MEIOC: variants seen among roughly 807,000 people sequenced by gnomAD.
The protein encoded by MEIOC is meiosis specific with coiled-coil domain.
MEIOC carries 9 observed loss-of-function variants against 85.3 expected under a neutral mutation model. That is an observed-to-expected ratio of 0.11 (90% confidence interval 0.06 to 0.18). MEIOC has a LOEUF of 0.18. MEIOC is among the 10% of genes least tolerant of loss of function. MEIOC has a pLI of 1.00. For synonymous variants in MEIOC, 365 were observed against 393.7 expected (o/e 0.93, Z 0.86); for missense variants, 898 against 1,129.4 (o/e 0.80, Z 2.94).
At chr17:44,670,164 G>A (rs1971981631) in intron 6 of MEIOC, 2 of 150,076 alleles carry the variant, frequency 1.3e-5, no homozygotes, top group Non-Finnish European at 2.9e-5. Flanking sequence ...TCAGGAGGCT[G>A]AGGTGGGAAG....
Position 44,667,149 on chromosome 17 carries a change from C to T in MEIOC, c.1238C>T (p.Thr413Ile), listed in dbSNP as rs1971918880. ...EKQFAKEAVF[T>I]ADFGLTSEYG... Reference sequence around the variant, plus strand: ...CAGTTTGCAAAGGAAGCAGTATTCACTGCTGATTTTGGCTTAACATCAGAA... The same window carrying T: ...CAGTTTGCAAAGGAAGCAGTATTCATTGCTGATTTTGGCTTAACATCAGAA... The change falls in exon 5 of 8, where the codon ACT becomes ATT. Residue 413 changes from threonine to isoleucine, a missense_variant. Around this residue, in one of 2 missense-constraint regions of MEIOC, gnomAD observed 734 missense variants for 860.1 expected, o/e 0.85. Coordinates refer to ENST00000409122, the MANE Select transcript of MEIOC (RefSeq NM_001145080.3). 2.5e-6 allele frequency: 4 copies of T among 1,613,922 alleles called. No homozygotes were observed. Among genetic ancestry groups the T allele is most frequent in the Admixed American group, 3.3e-5 (2 of 60,026 alleles).
At chr17:44,672,205 C>T (rs1568136165) in intron 6 of MEIOC, among the ~76,000 whole-genome samples, 1 of 152,124 alleles carries the variant, frequency 6.6e-6, no homozygotes, top group African/African-American at 2.4e-5. Context: ...TGGTCTCGAA[C>T]TCCTGATCTC....
At position 44,666,848 on chromosome 17, in the gene MEIOC, C is replaced by G; in HGVS notation, c.937C>G (p.Leu313Val). The change falls in exon 5 of 8, where the codon CTT (leucine) becomes GTT (valine). Residue 313 changes from leucine to valine, a missense_variant. Leu to Val is a conservative substitution (Grantham distance 32). Coordinates refer to ENST00000409122, the MANE Select transcript of MEIOC (RefSeq NM_001145080.3). ...PLQQKRAEMF[L>V]SQFNRYNENV... ...ACAGCAAAAAAGGGCAGAGATGTTT[C>G]TTTCTCAATTTAATAGATACAATGA... 2 of 1,611,600 alleles carry G rather than the reference C, an allele frequency of 1.2e-6. No individual in the cohort carries two copies. The highest frequency in any genetic ancestry group is 1.7e-6 in the Non-Finnish European group (2 of 1,178,692).
At chr17:44,664,656 C>T (rs141420207) in intron 3 of MEIOC, among the ~76,000 whole-genome samples, 90 of 152,286 alleles carry the variant, frequency 5.9e-4, no homozygotes, top group African/African-American at 2.0e-3. Context: ...ATAAGGAATA[C>T]TCAACCTGTA....
chr17:44,675,296 CTG>C lies in MEIOC; in HGVS notation c.*1102_*1103del. ...AAAACTATTGAAAGCTTAACTTTTT[CTG>C]TTTCTCATCACTTAGTATCTTTGTA... On this transcript the variant is annotated 3_prime_UTR_variant, in exon 8 of 8. Coordinates refer to ENST00000409122, the MANE Select transcript of MEIOC (RefSeq NM_001145080.3). The C allele has an allele frequency of 5.1e-6, 5 of 978,806 alleles. No homozygotes were observed. Among genetic ancestry groups the C allele is most frequent in the Non-Finnish European group, 6.1e-6 (5 of 824,032 alleles). 60.6% of individuals were successfully genotyped at this position (978,806 alleles called of 1,614,324 possible).
Position 44,667,871 on chromosome 17 carries a change from A to C in MEIOC, c.1960A>C (p.Asn654His), listed in dbSNP as rs765256069. The C allele has an allele frequency of 1.9e-6, 3 of 1,613,976 alleles. No individual in the cohort carries two copies. The highest frequency in any genetic ancestry group is 2.5e-6 in the Non-Finnish European group (3 of 1,179,868). ...SNSHRTRGGDNSRVNRTQVSC... is the reference protein window; with the variant it reads ...SNSHRTRGGDHSRVNRTQVSC... ...TAGCCACAGAACGAGAGGTGGAGACAATAGCCGTGTGAATCGCACACAAGT... is the reference window on the plus strand; with the variant it reads ...TAGCCACAGAACGAGAGGTGGAGACCATAGCCGTGTGAATCGCACACAAGT... Residue 654 changes from asparagine (N) to histidine (H), a missense_variant, in exon 5 of 8, where the codon AAT (asparagine) becomes CAT (histidine). Around this residue, in one of 2 missense-constraint regions of MEIOC, gnomAD observed 734 missense variants for 860.1 expected, o/e 0.85. Transcript: ENST00000409122.
intron 3 of MEIOC, among the ~76,000 whole-genome samples, chr17:44,662,822 T>G (rs914196729): frequency 2.0e-5 from 3 of 152,116 alleles, no homozygotes; most frequent in East Asian, 3.9e-4. Flanking sequence ...CAGCTAACTT[T>G]AAAAAAATTT....
At position 44,656,667 on chromosome 17, in the gene MEIOC, G is replaced by A. The variant is rs1364523261; in HGVS notation, c.54G>A (p.Arg18=). 4.7e-6 allele frequency: 7 copies of A among 1,492,848 alleles called. No individual in the cohort carries two copies. The highest frequency in any genetic ancestry group is 5.4e-6 in the Non-Finnish European group (6 of 1,121,406). 92.5% of individuals were successfully genotyped at this position (1,492,848 alleles called of 1,614,324 possible). Residue 18 remains arginine, a synonymous_variant, in exon 1 of 8, where the codon AGG becomes AGA. Transcript: ENST00000409122. Reference sequence around the variant, plus strand: ...CGCGCCCTCACCCCTCAGGCCTGAGGGAGGAAGGACTTGAGGTAATGGATG... The same window carrying A: ...CGCGCCCTCACCCCTCAGGCCTGAGAGAGGAAGGACTTGAGGTAATGGATG... ...TCPRPHPSGL[R]EEGLEPKVAF...
Position 44,662,438 on chromosome 17 carries a change from A to G in MEIOC, c.326A>G (p.Gln109Arg), listed in dbSNP as rs755117202. 1.9e-5 allele frequency: 29 copies of G among 1,546,656 alleles called. No individual in the cohort carries two copies. The South Asian group carries it at 2.6e-4, about 14-fold the overall frequency. The part of the protein sequence containing the change: ...PWSTYGDDIK[Q>R]PSNSQISIKN... ...TCTACTTATGGAGATGACATTAAAC[A>G]ACCTTCTAATTCTCAGATCAGTATA... Residue 109 changes from glutamine (Q) to arginine (R), a missense_variant, in exon 3 of 8, where the codon CAA becomes CGA. This residue lies in a region of MEIOC where 734 missense variants were observed against 860.1 expected (regional missense o/e 0.85). Transcript: ENST00000409122.
Position 44,656,612 on chromosome 17 carries a change from C to A in MEIOC, c.-2C>A. On this transcript the variant is annotated 5_prime_UTR_variant, in exon 1 of 8. Transcript: ENST00000409122. Reference sequence around the variant, plus strand: ...AGTCCAGGAGAGGCTGGGGGGCGCCCCATGGAGGTGAGACGCGGAGACACC... The same window carrying A: ...AGTCCAGGAGAGGCTGGGGGGCGCCACATGGAGGTGAGACGCGGAGACACC... 6.8e-7 allele frequency: 1 copy of A among 1,476,074 alleles called. No individual in the cohort carries two copies. The allele number at this position is 1,476,074 out of a possible 1,614,324, so 91.4% of individuals were successfully genotyped here.
In MEIOC at chr17:44,666,788, G is replaced by T. The variant is rs1568133920; in HGVS notation, c.877G>T (p.Asp293Tyr). The T allele has an allele frequency of 6.2e-7, 1 of 1,613,446 alleles. No individual in the cohort carries two copies. Residue 293 changes from aspartate to tyrosine, a missense_variant, in exon 5 of 8, where the codon GAC becomes TAC. Asp to Tyr is a radical substitution (Grantham distance 160). Transcript: ENST00000409122. ...SGVDIYHYGR[D>Y]RICTKGLEAP... ...AGTTGATATCTACCATTATGGAAGA[G>T]ACAGAATATGTACTAAAGGTCTTGA...
In MEIOC at chr17:44,663,302, T is replaced by TGATGATGAC. The variant is rs1431941721; in HGVS notation, c.359+836_359+837insTGACGATGA. On this transcript the variant is annotated intron_variant, in intron 3 of 7. Transcript: ENST00000409122. ...ATGATGATGATGATGATGATGATGA[T>TGATGATGAC]GATGACGATAACTAGGATATTATGG... Among the ~76,000 whole-genome samples, 4 of 151,850 alleles carry TGATGATGAC rather than the reference T, an allele frequency of 2.6e-5. No individual in the cohort carries two copies. In the East Asian group the frequency reaches 5.8e-4, roughly 22 times the overall value.
chr17:44,657,210 C>T lies in MEIOC; in HGVS notation c.153C>T (p.Gly51=), dbSNP rs1024318182. 93 of 1,551,914 alleles carry T rather than the reference C, an allele frequency of 6.0e-5. No homozygotes were observed. The highest frequency in any genetic ancestry group is 7.9e-5 in the Non-Finnish European group (91 of 1,147,016). ...GCAGCAGGTTAACCGACGTCTTCGG[C>T]AGCGTGATGTTGACTGGCTCCGCTT... The part of the protein sequence containing the change: ...DAGSRLTDVF[G]SVMLTGSASF... The change falls in exon 2 of 8, where the codon GGC becomes GGT. Residue 51 remains glycine, a synonymous_variant. Transcript: ENST00000409122.
chr17:44,670,303 A>C (rs1293449235), intron 6 of MEIOC: 4 of 150,526 alleles, frequency 2.7e-5, no homozygotes, highest in Non-Finnish European at 1.5e-5. Flanking sequence ...AAGGAACGGG[A>C]AAATAGTCCC....
chr17:44,661,531 A>AT (rs1490765716), intron 2 of MEIOC, among the ~76,000 whole-genome samples: 1 of 151,892 alleles, frequency 6.6e-6, no homozygotes, highest in Non-Finnish European at 1.5e-5. Context: ...TTTTTCAGAG[A>AT]TTGGGGACAT....
intron 2 of MEIOC, among the ~76,000 whole-genome samples, chr17:44,660,882 CAGGAGTTT>C (rs1971832812): frequency 6.6e-6 from 1 of 151,422 alleles, no homozygotes; most frequent in Non-Finnish European, 1.5e-5. Flanking sequence ...CGCTTGAGGC[CAGGAGTTT>C]AAGACCAGCC....
At position 44,674,105 on chromosome 17, in the gene MEIOC, T is replaced by C; in HGVS notation, c.2768T>C (p.Leu923Ser). Residue 923 changes from leucine to serine, a missense_variant, in exon 8 of 8, where the codon TTA becomes TCA. Physicochemically the swap from Leu to Ser is moderately radical, Grantham distance 145 (BLOSUM62 -2). Around this residue, in one of 2 missense-constraint regions of MEIOC, gnomAD observed 164 missense variants for 269.2 expected, o/e 0.61. Coordinates refer to ENST00000409122, the MANE Select transcript of MEIOC (RefSeq NM_001145080.3). ...TASTADVVKP[L>S]QDTVNCEDKV... is the part of the protein sequence containing the mutation. ...AGTACAGCTGATGTGGTAAAGCCTT[T>C]ACAAGATACAGTAAACTGTGAAGAT... The C allele has an allele frequency of 6.4e-7, 1 of 1,551,738 alleles. No individual in the cohort carries two copies. Among genetic ancestry groups the C allele is most frequent in the South Asian group, 1.2e-5 (1 of 84,064 alleles).
At chr17:44,661,312 AAG>A (rs1971838782) in intron 2 of MEIOC, among the ~76,000 whole-genome samples, 1 of 151,310 alleles carries the variant, frequency 6.6e-6, no homozygotes, top group Non-Finnish European at 1.5e-5. Context: ...AAAAAAAAAA[AAG>A]ATACTGTATA....
In MEIOC at chr17:44,675,028, C is replaced by T. The variant is rs910564920; in HGVS notation, c.*832C>T. The T allele has an allele frequency of 9.1e-6, 9 of 984,882 alleles. No individual in the cohort carries two copies. In the African/African-American group the frequency reaches 1.0e-4, roughly 11 times the overall value. 61.0% of individuals were successfully genotyped at this position (984,882 alleles called of 1,614,324 possible). A position where few individuals can be genotyped will look rare whatever the true frequency, so the allele number is the denominator to read the frequency against. On this transcript the variant is annotated 3_prime_UTR_variant, in exon 8 of 8. Transcript: ENST00000409122. ...TGAAATAATGACTACTGTTTTAATA[C>T]CCTTAGTTTGCTGCCTTTTATGAGG...
Sources: allele counts gnomAD v4.1 joint callset (sites outside exome capture counted in the v4.1 genomes callset), GRCh38; gene constraint gnomAD v4.1.1; regional missense constraint gnomAD v4.1.1; transcripts MANE v1.5; gene names NCBI Gene and HGNC (gene_info 2026-07-23, HGNC 2026-07-21).